Variants in ARID2 observed in about 807,000 individuals in gnomAD.
ARID2 encodes AT-rich interactive domain-containing protein 2.
Under a neutral mutation model 184.6 loss-of-function variants are expected in ARID2, and 32 were observed. The ratio of observed to expected loss-of-function variants is 0.17; its 90% CI spans 0.13 to 0.23. The LOEUF is 0.23. Among genes scored for constraint, ARID2 ranks in the 10% least tolerant of loss-of-function variants. The probability of loss-of-function intolerance (pLI) is 1.00; values close to 1 mark genes in which losing one functional copy is unlikely to be tolerated. For synonymous variants in ARID2, 836 were observed against 772.6 expected (o/e 1.08, Z -1.36); for missense variants, 1,696 against 2,197.6 (o/e 0.77, Z 4.56).
chr12:45,798,927 C>T (rs1263709462), intron 3 of ARID2, among the ~76,000 whole-genome samples: 1 of 151,250 alleles, frequency 6.6e-6, no homozygotes, highest in Non-Finnish European at 1.5e-5. Context: ...CTTATAATTA[C>T]ATATAAGTAT....
chr12:45,771,414 C>G (rs1941874082), intron 3 of ARID2, among the ~76,000 whole-genome samples: 1 of 150,766 alleles, frequency 6.6e-6, no homozygotes, highest in Non-Finnish European at 1.5e-5. Context: ...CCTGAAATCC[C>G]AGTACCTTGG....
rs192664918 is a variant in ARID2, at chr12:45,889,653, C to T, written c.4923-2127C>T. Among the ~76,000 whole-genome samples, 13 of 152,304 alleles carry T rather than the reference C, an allele frequency of 8.5e-5. No individual in the cohort carries two copies. The East Asian group carries it at 9.7e-4, about 11-fold the overall frequency. On this transcript the variant is annotated intron_variant, in intron 16 of 20. Transcript: ENST00000334344. ...ACGTAAACTTTTAAAACTCAGGTATCGGCCAGGCACGGTGGCTGGCTCACG... is the reference window on the plus strand; with the variant it reads ...ACGTAAACTTTTAAAACTCAGGTATTGGCCAGGCACGGTGGCTGGCTCACG...
intron 20 of ARID2, among the ~76,000 whole-genome samples, chr12:45,897,112 C>A (rs888742398): frequency 1.3e-5 from 2 of 152,030 alleles, no homozygotes; most frequent in African/African-American, 4.8e-5. Context: ...AGAGAGGGCC[C>A]AAAAAGTAAG....
intron 15 of ARID2, among the ~76,000 whole-genome samples, chr12:45,859,174 C>T (rs952711150): frequency 4.6e-5 from 7 of 152,216 alleles, no homozygotes; most frequent in African/African-American, 7.2e-5. Context: ...GGATGGACCA[C>T]ATAATACAAC....
chr12:45,736,692 A>G (rs1002997387), intron 3 of ARID2, among the ~76,000 whole-genome samples: 2 of 152,206 alleles, frequency 1.3e-5, no homozygotes, highest in African/African-American at 2.4e-5. Context: ...TTCAGGGCCA[A>G]CTAGAGTTTG....
chr12:45,817,111 T>G (rs1350279208), intron 4 of ARID2, among the ~76,000 whole-genome samples: 2 of 152,196 alleles, frequency 1.3e-5, no homozygotes, highest in Non-Finnish European at 2.9e-5. Context: ...AATGCAGCAC[T>G]TTGGGAGGCC....
rs751531955 is a variant in ARID2, at chr12:45,851,952, A to C, written c.3829A>C (p.Asn1277His). The stretch of plus-strand genomic sequence containing the variant: ...CCCGTCCTGCCGACGAGGAGCCACA[A>C]ACACCAGCAATGGGGATACAAAGGA... The part of the protein sequence containing the change: ...ENPSCRRGAT[N>H]TSNGDTKENE... Residue 1277 changes from asparagine (N) to histidine (H), a missense_variant, in exon 15 of 21, where the codon AAC becomes CAC. Transcript: ENST00000334344. The C allele has an allele frequency of 6.2e-7, 1 of 1,613,898 alleles. No individual in the cohort carries two copies. Among genetic ancestry groups the C allele is most frequent in the Non-Finnish European group, 8.5e-7 (1 of 1,179,908 alleles).
chr12:45,897,342 G>A (rs1944383437), intron 20 of ARID2, among the ~76,000 whole-genome samples: 2 of 152,152 alleles, frequency 1.3e-5, no homozygotes, highest in South Asian at 4.1e-4. Flanking sequence ...GTGATTTCTT[G>A]GGATATGACA....
intron 10 of ARID2, 95 bp from the exon 11 acceptor site, chr12:45,839,234 A>C (rs1943286134): frequency 3.5e-6 from 4 of 1,147,556 alleles, no homozygotes; most frequent in Non-Finnish European, 4.8e-6. Flanking sequence ...GCATTTATTC[A>C]CATTGATAAG....
intron 3 of ARID2, among the ~76,000 whole-genome samples, chr12:45,773,855 G>C (rs1941926070): frequency 6.6e-6 from 1 of 152,138 alleles, no homozygotes; most frequent in South Asian, 2.1e-4. Context: ...ACTTTTGCAA[G>C]AAATAGACTT....
At position 45,860,836 on chromosome 12, in the gene ARID2, G is replaced by T. The variant is rs761866021; in HGVS notation, c.4809G>T (p.Val1603=). 1 of 1,605,972 alleles carries T rather than the reference G, an allele frequency of 6.2e-7. No individual in the cohort carries two copies. The highest frequency in any genetic ancestry group is 2.3e-5 in the East Asian group (1 of 44,414). The change falls in exon 16 of 21, where the codon GTG becomes GTT. Residue 1603 remains valine (V), a synonymous_variant. Coordinates refer to ENST00000334344, the MANE Select transcript of ARID2 (RefSeq NM_152641.4). ...TPMPPSPAVQ[V]QGQPNSSQPS... ...TGCCACCTTCACCAGCTGTACAAGT[G>T]CAGGGCCAGCCTAACAGTTCTCAGC...
chr12:45,813,141 A>G (rs1565605844), intron 4 of ARID2, among the ~76,000 whole-genome samples: 3 of 152,180 alleles, frequency 2.0e-5, no homozygotes. Flanking sequence ...ATTTGTTTTA[A>G]GAGAATCTGA....
Position 45,827,149 on chromosome 12 carries a change from A to T in ARID2, c.705+5662A>T, listed in dbSNP as rs143349589. On this transcript the variant is annotated intron_variant, in intron 6 of 20. Coordinates refer to ENST00000334344, the MANE Select transcript of ARID2 (RefSeq NM_152641.4). The stretch of plus-strand genomic sequence containing the variant: ...AACTCCAAGACAAATTTGCAAGTCA[A>T]AGAGTATACTAGATCCTTCACAAGA... 5.7e-3 allele frequency among the ~76,000 whole-genome samples: 871 copies of T among 152,084 alleles called. 7 individuals are homozygous for T. Among genetic ancestry groups the T allele is most frequent in the African/African-American group, 0.02 (832 of 41,480 alleles).
chr12:45,887,552 G>T (rs1944215193), intron 16 of ARID2, among the ~76,000 whole-genome samples: 1 of 152,148 alleles, frequency 6.6e-6, no homozygotes, highest in African/African-American at 2.4e-5. Flanking sequence ...AAAAAACCGG[G>T]TTCTTTTCAC....
chr12:45,831,154 A>G (rs773207722), intron 6 of ARID2, among the ~76,000 whole-genome samples: 4 of 151,836 alleles, frequency 2.6e-5, no homozygotes, highest in Non-Finnish European at 5.9e-5. Context: ...ATATCTTTCT[A>G]TTGCTGCACT....
chr12:45,788,996 C>G (rs1040752314), intron 3 of ARID2, among the ~76,000 whole-genome samples: 1 of 152,118 alleles, frequency 6.6e-6, no homozygotes, highest in African/African-American at 2.4e-5. Flanking sequence ...TTCTTCTAAC[C>G]TGATGTTCAG....
At chr12:45,853,707 C>T (rs561263154) in intron 15 of ARID2, among the ~76,000 whole-genome samples, 1 of 152,210 alleles carries the variant, frequency 6.6e-6, no homozygotes, top group South Asian at 2.1e-4. Context: ...CTTCCTAATT[C>T]CTACATAGCC....
intron 15 of ARID2, among the ~76,000 whole-genome samples, chr12:45,854,393 A>T (rs756155187): frequency 2.0e-5 from 3 of 152,172 alleles, no homozygotes; most frequent in Non-Finnish European, 2.9e-5. Flanking sequence ...GGTGCCAAAA[A>T]GATTGGAGAC....
At chr12:45,821,555 G>A in intron 6 of ARID2, 68 bp downstream of exon 6, 7 of 988,832 alleles carry the variant, frequency 7.1e-6, no homozygotes, top group Non-Finnish European at 4.3e-6. Flanking sequence ...TAGATCAGTG[G>A]TTGCTTATTT....
Sources: allele counts gnomAD v4.1 joint callset (sites outside exome capture counted in the v4.1 genomes callset), GRCh38; gene constraint gnomAD v4.1.1; transcripts MANE v1.5; gene names NCBI Gene and HGNC (gene_info 2026-07-23, HGNC 2026-07-21).